The following CCDC127 variants were observed in gnomAD, a reference collection of about 807,000 sequenced individuals.
CCDC127 encodes coiled-coil domain-containing protein 127.
In CCDC127, 2 loss-of-function variants were observed where a neutral mutation model predicts 4.1. The ratio of observed to expected loss-of-function variants is 0.49; its 90% confidence interval spans 0.20 to 1.53. The LOEUF (loss-of-function observed/expected upper bound fraction) is 1.53, where lower values mean the gene tolerates loss of function less well. CCDC127 is among the 40% of genes most tolerant of loss of function. The probability of loss-of-function intolerance (pLI) is 0.23; values close to 1 mark genes in which losing one functional copy is unlikely to be tolerated. For synonymous variants in CCDC127, 98 were observed against 120.4 expected (o/e 0.81, Z 1.22); for missense variants, 271 against 322.9 (o/e 0.84, Z 1.23).
At chr5:207,128 C>G (rs1468948469) in intron 2 of CCDC127, among the ~76,000 whole-genome samples, 1 of 152,168 alleles carries the variant, frequency 6.6e-6, no homozygotes, top group Non-Finnish European at 1.5e-5. Flanking sequence ...TAATGGTCAC[C>G]TTTGCTTTTC....
In CCDC127 at chr5:217,650, G is replaced by A. The variant is rs1579367886; in HGVS notation, c.-11+443C>T. On this transcript the variant is annotated intron_variant, in intron 1 of 2. Transcript: ENST00000296824. ...GGCAGGGAGGGGTGATGTGGGGAAG[G>A]TGCAAACAGTGCTAGAAGCTTCTGA... 2.0e-5 allele frequency among the ~76,000 whole-genome samples: 3 copies of A among 151,980 alleles called. No homozygotes were observed. The South Asian group carries it at 6.2e-4, about 32-fold the overall frequency.
intron 2 of CCDC127, among the ~76,000 whole-genome samples, chr5:208,586 G>A (rs1224630328): frequency 6.6e-6 from 1 of 152,142 alleles, no homozygotes; most frequent in African/African-American, 2.4e-5. Flanking sequence ...GGGTCGGGGG[G>A]AGCCATGTGG....
intron 2 of CCDC127, among the ~76,000 whole-genome samples, chr5:213,532 C>T (rs1256883790): frequency 7.2e-6 from 1 of 138,168 alleles, no homozygotes; most frequent in African/African-American, 2.8e-5. Flanking sequence ...CGCTGATGCT[C>T]GACATCGCAC....
Position 205,806 on chromosome 5 carries a change from G to T in CCDC127, c.274C>A (p.Leu92Ile), listed in dbSNP as rs1358101229. 6.2e-7 allele frequency: 1 copy of T among 1,614,004 alleles called. No homozygotes were observed. ...RRAVAQLSLE[L>I]EKEQNRTASY... ...GCAGTTCTGTTTTGTTCCTTTTCGA[G>T]TTCCAAGGACAACTGAGCGACAGCA... Residue 92 changes from leucine (L) to isoleucine (I), a missense_variant, in exon 3 of 3, where the codon CTC becomes ATC. By Grantham distance (5) the Leu-to-Ile change is conservative. Transcript: ENST00000296824.
chr5:214,214 G>A (rs1186263881), intron 2 of CCDC127: 3 of 152,344 alleles, frequency 2.0e-5, no homozygotes, highest in African/African-American at 2.4e-5. Context: ...CAGCACGTGA[G>A]GCCCCAGGGA....
chr5:205,151 G>A lies in CCDC127; in HGVS notation c.*146C>T. 1.4e-6 allele frequency: 1 copy of A among 691,084 alleles called. No individual in the cohort carries two copies. Among genetic ancestry groups the A allele is most frequent in the East Asian group, 2.6e-5 (1 of 37,988 alleles). The allele number at this position is 691,084 out of a possible 1,614,324, so 42.8% of individuals were successfully genotyped here. A position where few individuals can be genotyped will look rare whatever the true frequency, so the allele number is the denominator to read the frequency against. On this transcript the variant is annotated 3_prime_UTR_variant, in exon 3 of 3. Transcript: ENST00000296824. ...TGAGGCTTCGGTGCACTTCTGCTCA[G>A]ACGGTGGCGGGAGTGGAGGTCGCTG...
chr5:202,436 T>C lies in CCDC127; in HGVS notation c.*2861A>G, dbSNP rs1202881184. 6.6e-6 allele frequency: 1 copy of C among 152,078 alleles called. No homozygotes were observed. Among genetic ancestry groups the C allele is most frequent in the African/African-American group, 2.4e-5 (1 of 41,390 alleles). The allele number at this position is 152,078 out of a possible 1,614,324, so 9.4% of individuals were successfully genotyped here. ...CCTGTCTCTACTAAACATACAAAAA[T>C]TAGCCAGGCATGGTGGCAGGCACCT... On this transcript the variant is annotated 3_prime_UTR_variant, in exon 3 of 3. Coordinates refer to ENST00000296824, the MANE Select transcript of CCDC127 (RefSeq NM_145265.3).
intron 2 of CCDC127, chr5:215,885 T>C (rs1355461237): frequency 6.6e-6 from 1 of 151,988 alleles, no homozygotes; most frequent in African/African-American, 2.4e-5. Context: ...CATCAGTGAA[T>C]TGATTGTGTG....
At position 201,084 on chromosome 5, in the gene CCDC127, C is replaced by A. The variant is rs1217937215; in HGVS notation, c.*4213G>T. The A allele has an allele frequency of 6.9e-6, 1 of 145,192 alleles. No individual in the cohort carries two copies. The highest frequency in any genetic ancestry group is 1.5e-5 in the Non-Finnish European group (1 of 65,674). 9.0% of individuals were successfully genotyped at this position (145,192 alleles called of 1,614,324 possible). The stretch of plus-strand genomic sequence containing the variant: ...CAGTGTCTACACAGCAGGCTGCCCC[C>A]CATCACAGCCAGCCAGTGTCTAGGG... On this transcript the variant is annotated 3_prime_UTR_variant, in exon 3 of 3. Coordinates refer to ENST00000296824, the MANE Select transcript of CCDC127 (RefSeq NM_145265.3).
intron 2 of CCDC127, among the ~76,000 whole-genome samples, chr5:209,749 A>G (rs1472593211): frequency 6.6e-6 from 1 of 152,262 alleles, no homozygotes; most frequent in East Asian, 1.9e-4. Flanking sequence ...ATTCCATAAT[A>G]CATAAAACTA....
chr5:196,974 T>C lies in CCDC127; in HGVS notation c.*8323A>G, dbSNP rs1171635305. ...CAGTTTTTATTATTATTTTCATTAT[T>C]TCAGCAAAAAGGAATGTAGTAGGAG... On this transcript the variant is annotated 3_prime_UTR_variant, in exon 3 of 3. Transcript: ENST00000296824. The C allele has an allele frequency of 2.0e-5, 3 of 150,866 alleles. No individual in the cohort carries two copies. The highest frequency in any genetic ancestry group is 6.6e-5 in the Admixed American group (1 of 15,158). The allele number at this position is 150,866 out of a possible 1,614,324, so 9.3% of individuals were successfully genotyped here.
chr5:204,962 G>C lies in CCDC127; in HGVS notation c.*335C>G, dbSNP rs13474. 35,991 of 192,050 alleles carry C rather than the reference G, an allele frequency of 0.19. 4,946 individuals carry two copies. The highest frequency in any genetic ancestry group is 0.4 in the African/African-American group (17,358 of 43,080). 11.9% of individuals were successfully genotyped at this position (192,050 alleles called of 1,614,324 possible). A position where few individuals can be genotyped will look rare whatever the true frequency, so the allele number is the denominator to read the frequency against. On this transcript the variant is annotated 3_prime_UTR_variant, in exon 3 of 3. Coordinates refer to ENST00000296824, the MANE Select transcript of CCDC127 (RefSeq NM_145265.3). ...TGAAACAGACAGAAAATTACTTGTG[G>C]TAAGGACCAGTATTGTATTTGACTT...
Position 201,017 on chromosome 5 carries a change from AGCC to A in CCDC127, c.*4277_*4279del. On this transcript the variant is annotated 3_prime_UTR_variant, in exon 3 of 3. Transcript: ENST00000296824. ...ACAGCAGGCTGCCCCCATCACAGCCAGCCAGTGTCTACACAGCAGGCTGCCCCC... is the reference window on the plus strand; with the variant it reads ...ACAGCAGGCTGCCCCCATCACAGCCAAGTGTCTACACAGCAGGCTGCCCCC... 2 of 23,828 alleles carry A rather than the reference AGCC, an allele frequency of 8.4e-5. No individual in the cohort carries two copies. The highest frequency in any genetic ancestry group is 2.7e-3 in the South Asian group (2 of 748). 1.5% of individuals were successfully genotyped at this position (23,828 alleles called of 1,614,324 possible).
intron 1 of CCDC127, chr5:217,077 G>A (rs1158139998): frequency 6.2e-5 from 29 of 467,292 alleles, no homozygotes; most frequent in Non-Finnish European, 8.6e-5. Context: ...GTTGCAGTGA[G>A]TCGAGGTCGC....
At position 201,646 on chromosome 5, in the gene CCDC127, C is replaced by T. The variant is rs758430769; in HGVS notation, c.*3651G>A. 4 of 152,202 alleles carry T rather than the reference C, an allele frequency of 2.6e-5. No homozygotes were observed. The highest frequency in any genetic ancestry group is 1.3e-4 in the Admixed American group (2 of 15,286). The allele number at this position is 152,202 out of a possible 1,614,324, so 9.4% of individuals were successfully genotyped here. A position where few individuals can be genotyped will look rare whatever the true frequency, so the allele number is the denominator to read the frequency against. ...TCTACCAAATGAGCTGACTGGACTA[C>T]GGAAGAGAAATGCTGCCTCTTCAGT... On this transcript the variant is annotated 3_prime_UTR_variant, in exon 3 of 3. Coordinates refer to ENST00000296824, the MANE Select transcript of CCDC127 (RefSeq NM_145265.3).
intron 2 of CCDC127, among the ~76,000 whole-genome samples, chr5:210,282 G>C (rs536301359): frequency 6.6e-6 from 1 of 152,172 alleles, no homozygotes; most frequent in Non-Finnish European, 1.5e-5. Flanking sequence ...AAAAGGAAAC[G>C]ATGATAAGCT....
At position 218,137 on chromosome 5, in the gene CCDC127, G is replaced by C; in HGVS notation, c.-55C>G. ...ACCTCAGCGTTCCCTTAACGCCACC[G>C]TCCGCGGGTCCGCTTTGCGCAGGCG... On this transcript the variant is annotated 5_prime_UTR_variant, in exon 1 of 3. Transcript: ENST00000296824. 2 of 1,235,408 alleles carry C rather than the reference G, an allele frequency of 1.6e-6. No homozygotes were observed. Among genetic ancestry groups the C allele is most frequent in the Non-Finnish European group, 2.0e-6 (2 of 987,526 alleles). 76.5% of individuals were successfully genotyped at this position (1,235,408 alleles called of 1,614,324 possible). A position where few individuals can be genotyped will look rare whatever the true frequency, so the allele number is the denominator to read the frequency against.
At chr5:213,256 A>G (rs71583065) in intron 2 of CCDC127, among the ~76,000 whole-genome samples, 401 of 50,202 alleles carry the variant, frequency 8.0e-3, no homozygotes, top group Middle Eastern at 0.038. Flanking sequence ...GTGTGAGCAC[A>G]CTGATGCTCG....
rs749898005 is a variant in CCDC127 at position 205,446 on chromosome 5, T to C, written c.634A>G (p.Ile212Val). ...CCACAGTATGTATCATGCTGAAATA[T>C]GTCGGTGAGACCGGCTGCCATCTCT... Reference protein sequence around the residue: ...DLEMAAGLTDIFQHDTYCGDV... With the variant: ...DLEMAAGLTDVFQHDTYCGDV... The change falls in exon 3 of 3, where the codon ATA (isoleucine) becomes GTA (valine). Residue 212 changes from isoleucine to valine, a missense_variant. Around this residue, in one of 2 missense-constraint regions of CCDC127, gnomAD observed 265 missense variants for 270.9 expected, o/e 0.98. Transcript: ENST00000296824. The C allele has an allele frequency of 6.2e-7, 1 of 1,614,252 alleles. No individual in the cohort carries two copies. The highest frequency in any genetic ancestry group is 1.1e-5 in the South Asian group (1 of 91,090).
Sources: allele counts gnomAD v4.1 joint callset (sites outside exome capture counted in the v4.1 genomes callset), GRCh38; gene constraint gnomAD v4.1.1; regional missense constraint gnomAD v4.1.1; transcripts MANE v1.5; gene names NCBI Gene and HGNC (gene_info 2026-07-23, HGNC 2026-07-21).